The following LRMDA variants were observed in gnomAD, a reference collection of about 807,000 sequenced individuals.
LRMDA encodes leucine-rich melanocyte differentiation-associated protein.
LRMDA carries 18 observed loss-of-function variants against 29.8 expected under a neutral mutation model. That is an observed-to-expected ratio of 0.60 (90% confidence interval 0.42 to 0.90). The LOEUF (loss-of-function observed/expected upper bound fraction) is 0.90, where lower values mean the gene tolerates loss of function less well. Ranked by LOEUF, LRMDA falls within the 40% of genes least tolerant of loss-of-function variation. LRMDA has a pLI of 0.00. For synonymous variants in LRMDA, 125 were observed against 109.4 expected, an observed-to-expected ratio of 1.14 and a Z score of -0.89; for missense variants, 273 against 273.9, an observed-to-expected ratio of 1.00 and a Z score of 0.02.
intron 2 of LRMDA, among the ~76,000 whole-genome samples, chr10:75,759,696 TTAGA>T (rs1321018594): frequency 3.9e-5 from 6 of 152,298 alleles, no homozygotes; most frequent in South Asian, 4.1e-4. Flanking sequence ...CCTTGATCAT[TTAGA>T]TAAAGACAAG....
chr10:75,803,243 A>T (rs977330933), intron 2 of LRMDA, among the ~76,000 whole-genome samples: 3 of 152,184 alleles, frequency 2.0e-5, no homozygotes, highest in African/African-American at 7.2e-5. Flanking sequence ...GGCTTGGTTT[A>T]CTTATCTGTC....
At chr10:76,290,525 G>A (rs1840327528) in intron 5 of LRMDA, among the ~76,000 whole-genome samples, 1 of 151,030 alleles carries the variant, frequency 6.6e-6, no homozygotes, top group African/African-American at 2.4e-5. Context: ...TGGGTTCAGG[G>A]GATTCTTGTG....
intron 6 of LRMDA, among the ~76,000 whole-genome samples, chr10:76,502,561 G>A (rs2132343683): frequency 6.6e-6 from 1 of 151,662 alleles, no homozygotes; most frequent in East Asian, 1.9e-4. Flanking sequence ...TCTCCTTGTG[G>A]AGATATTTCA....
chr10:76,253,715 C>CA (rs1852529301), intron 5 of LRMDA, among the ~76,000 whole-genome samples: 1 of 151,958 alleles, frequency 6.6e-6, no homozygotes, highest in Non-Finnish European at 1.5e-5. Flanking sequence ...AATATTTGCC[C>CA]AAATTTGCTT....
chr10:75,790,173 G>A (rs372894959), intron 2 of LRMDA, among the ~76,000 whole-genome samples: 131 of 152,166 alleles, frequency 8.6e-4, no homozygotes, highest in African/African-American at 2.9e-3. Context: ...TGTGGGGGCC[G>A]TCCTGTGCAT....
chr10:75,691,086 ATC>A (rs1842142643), intron 2 of LRMDA, among the ~76,000 whole-genome samples: 1 of 105,146 alleles, frequency 9.5e-6, no homozygotes, highest in Non-Finnish European at 1.7e-5. Flanking sequence ...AGATCTATAT[ATC>A]TATGTACATA....
At chr10:75,729,781 TTTG>T (rs1024197756) in intron 2 of LRMDA, among the ~76,000 whole-genome samples, 2 of 152,106 alleles carry the variant, frequency 1.3e-5, no homozygotes, top group African/African-American at 2.4e-5. Context: ...CTGGCTGGGT[TTTG>T]TTGTTGTTTT....
chr10:76,188,616 T>A (rs1303947645), intron 5 of LRMDA, among the ~76,000 whole-genome samples: 1 of 146,112 alleles, frequency 6.8e-6, no homozygotes, highest in Non-Finnish European at 1.5e-5. Flanking sequence ...AAAGTGTACA[T>A]ACAACTGAGA....
At chr10:75,450,328 C>G (rs960317085) in intron 2 of LRMDA, 7 of 152,164 alleles carry the variant, frequency 4.6e-5, no homozygotes, top group Admixed American at 2.6e-4. Context: ...TGCTTGCCCC[C>G]ACCTCTGCAC....
intron 6 of LRMDA, among the ~76,000 whole-genome samples, chr10:76,336,586 G>T (rs1343420978): frequency 6.6e-6 from 1 of 152,114 alleles, no homozygotes; most frequent in Non-Finnish European, 1.5e-5. Flanking sequence ...GGGGTGGGGA[G>T]CCAGGGAAAT....
At chr10:75,641,393 G>A (rs988088006) in intron 2 of LRMDA, among the ~76,000 whole-genome samples, 4 of 129,446 alleles carry the variant, frequency 3.1e-5, no homozygotes, top group South Asian at 5.8e-4. Flanking sequence ...ATTAATATGT[G>A]GATATGTTAA....
chr10:75,856,254 G>T (rs567426019), intron 2 of LRMDA, among the ~76,000 whole-genome samples: 24 of 152,256 alleles, frequency 1.6e-4, no homozygotes, highest in Admixed American at 1.5e-3. Flanking sequence ...GCAGTGGTTT[G>T]TAGTTCTCCT....
chr10:76,473,400 T>A (rs1842637138), intron 6 of LRMDA, among the ~76,000 whole-genome samples: 1 of 151,546 alleles, frequency 6.6e-6, no homozygotes, highest in Non-Finnish European at 1.5e-5. Context: ...AACTCTTGGT[T>A]ACCATCGTAC....
At chr10:76,312,178 A>G (rs1360901284) in intron 5 of LRMDA, among the ~76,000 whole-genome samples, 1 of 152,218 alleles carries the variant, frequency 6.6e-6, no homozygotes, top group African/African-American at 2.4e-5. Flanking sequence ...TTCCTGTCAT[A>G]AGGAAATCCA....
At chr10:76,288,433 C>G (rs1056407550) in intron 5 of LRMDA, among the ~76,000 whole-genome samples, 2 of 152,114 alleles carry the variant, frequency 1.3e-5, no homozygotes, top group East Asian at 3.8e-4. Context: ...GTGGCACATA[C>G]CCACTATGGA....
At chr10:75,654,129 T>C (rs1841637626) in intron 2 of LRMDA, among the ~76,000 whole-genome samples, 1 of 152,204 alleles carries the variant, frequency 6.6e-6, no homozygotes, top group African/African-American at 2.4e-5. Flanking sequence ...AGCAGATCTT[T>C]GGTTGAAAGA....
At chr10:76,516,844 T>C (rs1348574832) in intron 6 of LRMDA, among the ~76,000 whole-genome samples, 2 of 152,208 alleles carry the variant, frequency 1.3e-5, no homozygotes, top group Non-Finnish European at 2.9e-5. Context: ...TTATAATCCT[T>C]TGGGTATATA....
chr10:75,928,567 C>A (rs1412324337), intron 2 of LRMDA, among the ~76,000 whole-genome samples: 1 of 152,182 alleles, frequency 6.6e-6, no homozygotes. Context: ...TAGTTGACAT[C>A]TAAAGCATGG....
In LRMDA at chr10:76,214,689, T is replaced by C. The variant is rs547720229; in HGVS notation, c.517-109712T>C. On this transcript the variant is annotated intron_variant, in intron 5 of 6. Coordinates refer to ENST00000611255, the MANE Select transcript of LRMDA (RefSeq NM_001305581.2). ...CTCATTTTGTAGCTTACCTGGTAAG[T>C]GATAACTACATTTCTGAAGACTTAT... 2.0e-5 allele frequency among the ~76,000 whole-genome samples: 3 copies of C among 152,266 alleles called. No individual in the cohort carries two copies. In the South Asian group the frequency reaches 6.2e-4, roughly 32 times the overall value.
Sources: allele counts gnomAD v4.1 joint callset (sites outside exome capture counted in the v4.1 genomes callset), GRCh38; gene constraint gnomAD v4.1.1; transcripts MANE v1.5; gene names NCBI Gene and HGNC (gene_info 2026-07-23, HGNC 2026-07-21).